LEKR1: variants seen among roughly 807,000 people sequenced by gnomAD.
LEKR1 encodes the protein protein LEKR1.
Under a neutral mutation model 72.4 loss-of-function variants are expected in LEKR1, and 59 were observed. The observed-to-expected ratio is 0.82, with a 90% CI of 0.66 to 1.01. The LOEUF (loss-of-function observed/expected upper bound fraction) is 1.01, where lower values mean the gene tolerates loss of function less well. Among genes scored for constraint, LEKR1 ranks in the 50% least tolerant of loss-of-function variants. The pLI, the probability that LEKR1 is intolerant of heterozygous loss-of-function variation, is 0.00. For synonymous variants in LEKR1, 257 were observed against 263.2 expected (o/e 0.98, Z 0.23); for missense variants, 728 against 759.2 (o/e 0.96, Z 0.48).
intron 5 of LEKR1, among the ~76,000 whole-genome samples, chr3:156,928,974 G>A (rs567459487): frequency 6.6e-6 from 1 of 152,054 alleles, no homozygotes; most frequent in South Asian, 2.1e-4. Flanking sequence ...AAAGAATAGA[G>A]ACCAGTTGAC....
At chr3:156,864,551 C>G (rs1468782237) in intron 3 of LEKR1, among the ~76,000 whole-genome samples, 2 of 152,018 alleles carry the variant, frequency 1.3e-5, no homozygotes, top group Admixed American at 6.6e-5. Context: ...GCCATTCTTA[C>G]TGAATAAATT....
intron 12 of LEKR1, among the ~76,000 whole-genome samples, chr3:157,036,855 G>A (rs1054145049): frequency 7.2e-5 from 11 of 152,050 alleles, no homozygotes; most frequent in Non-Finnish European, 1.0e-4. Flanking sequence ...ATGTTGAGAG[G>A]ATATTTACAC....
chr3:156,937,253 A>G (rs1457156354), intron 5 of LEKR1, among the ~76,000 whole-genome samples: 9 of 152,202 alleles, frequency 5.9e-5, no homozygotes, highest in Non-Finnish European at 1.2e-4. Flanking sequence ...AGTACAGACT[A>G]GGAGAAAATA....
intron 6 of LEKR1, among the ~76,000 whole-genome samples, chr3:156,960,313 T>G (rs538058068): frequency 6.6e-6 from 1 of 152,226 alleles, no homozygotes; most frequent in South Asian, 2.1e-4. Context: ...TGAGATGGAG[T>G]CTCACTCTGT....
chr3:156,847,536 G>T (rs970913184), intron 2 of LEKR1, among the ~76,000 whole-genome samples: 1 of 152,096 alleles, frequency 6.6e-6, no homozygotes, highest in Admixed American at 6.5e-5. Flanking sequence ...TACTTCATTT[G>T]GGAACATAAT....
chr3:156,839,518 A>G (rs1232083381), intron 2 of LEKR1, among the ~76,000 whole-genome samples: 1 of 152,206 alleles, frequency 6.6e-6, no homozygotes, highest in Non-Finnish European at 1.5e-5. Flanking sequence ...AATAAAGGAA[A>G]TTATAAAAGA....
chr3:157,015,129 TTTCAGGTCATGG>T (rs530967033), intron 10 of LEKR1, among the ~76,000 whole-genome samples: 8 of 152,164 alleles, frequency 5.3e-5, no homozygotes, highest in African/African-American at 1.9e-4. Flanking sequence ...CTGAAAGAAA[TTTCAGGTCATGG>T]TTCAGGGAGT....
chr3:157,038,331 G>C (rs1215849186), intron 12 of LEKR1, among the ~76,000 whole-genome samples: 1 of 152,188 alleles, frequency 6.6e-6, no homozygotes, highest in African/African-American at 2.4e-5. Context: ...TGCTAGAAAA[G>C]AAATACAATT....
chr3:156,937,056 T>C (rs555978964), intron 5 of LEKR1, among the ~76,000 whole-genome samples: 2 of 152,190 alleles, frequency 1.3e-5, no homozygotes, highest in Admixed American at 6.5e-5. Flanking sequence ...GTGGGAGGAC[T>C]GCTTAATCCC....
intron 6 of LEKR1, among the ~76,000 whole-genome samples, chr3:156,958,081 A>AT (rs1727810342): frequency 6.6e-6 from 1 of 152,174 alleles, no homozygotes; most frequent in Admixed American, 6.6e-5. Context: ...GGACAGGATT[A>AT]TTAGCCCTAT....
At chr3:157,037,127 C>A (rs1215781177) in intron 12 of LEKR1, among the ~76,000 whole-genome samples, 3 of 152,086 alleles carry the variant, frequency 2.0e-5, no homozygotes, top group Non-Finnish European at 4.4e-5. Flanking sequence ...CCCTCATCTT[C>A]CATTCCATGC....
chr3:157,033,501 C>A (rs953591827), intron 12 of LEKR1, among the ~76,000 whole-genome samples: 2 of 152,166 alleles, frequency 1.3e-5, no homozygotes, highest in African/African-American at 4.8e-5. Context: ...TAATCCAGAG[C>A]AAGACCCTAA....
At position 156,852,797 on chromosome 3, in the gene LEKR1, C is replaced by G; in HGVS notation, c.78C>G (p.Tyr26Ter). 1 of 1,532,832 alleles carries G rather than the reference C, an allele frequency of 6.5e-7. No individual in the cohort carries two copies. The highest frequency in any genetic ancestry group is 8.7e-7 in the Non-Finnish European group (1 of 1,144,660). 95.0% of individuals were successfully genotyped at this position (1,532,832 alleles called of 1,614,324 possible). A position where few individuals can be genotyped will look rare whatever the true frequency, so the allele number is the denominator to read the frequency against. The change falls in exon 3 of 13, where the codon TAC (tyrosine) becomes TAG (stop). Residue 26 changes from tyrosine to a stop codon, truncating the protein, a stop_gained. Coordinates refer to ENST00000356539, the MANE Select transcript of LEKR1 (RefSeq NM_001004316.3). LOFTEE classifies it high-confidence loss of function. ...KMLPEEKVCKYCGVSYLILHE... is the reference protein window; with the variant it reads ...KMLPEEKVCK ...TGCCTGAAGAAAAAGTTTGTAAGTACTGTGGAGTCAGCTATCTAATTCTTC... is the reference window on the plus strand; with the variant it reads ...TGCCTGAAGAAAAAGTTTGTAAGTAGTGTGGAGTCAGCTATCTAATTCTTC...
intron 4 of LEKR1, among the ~76,000 whole-genome samples, chr3:156,923,812 C>A (rs557467476): frequency 1.2e-4 from 19 of 152,140 alleles, no homozygotes; most frequent in African/African-American, 4.6e-4. Context: ...ACTGCAACCT[C>A]CGCCTCCCAG....
At chr3:157,017,769 T>A (rs1312120054) in intron 10 of LEKR1, 1 of 151,636 alleles carries the variant, frequency 6.6e-6, no homozygotes, top group Non-Finnish European at 1.5e-5. Context: ...AAACCCTGTC[T>A]CTACTAAAAA....
At chr3:156,885,026 T>C (rs1719904021) in intron 3 of LEKR1, among the ~76,000 whole-genome samples, 1 of 152,178 alleles carries the variant, frequency 6.6e-6, no homozygotes, top group Non-Finnish European at 1.5e-5. Flanking sequence ...TCAAAAGCCT[T>C]GTCTTTGAGC....
intron 2 of LEKR1, among the ~76,000 whole-genome samples, chr3:156,842,670 A>G (rs1371190682): frequency 2.0e-5 from 3 of 152,226 alleles, no homozygotes; most frequent in Non-Finnish European, 4.4e-5. Context: ...GCTACCAAAG[A>G]AAAAGTGTAG....
intron 2 of LEKR1, among the ~76,000 whole-genome samples, chr3:156,839,472 CGTT>C (rs1713607659): frequency 1.3e-5 from 2 of 152,128 alleles, no homozygotes; most frequent in South Asian, 2.1e-4. Context: ...ACTGTCCAGA[CGTT>C]GTGCATGACT....
chr3:156,924,611 T>C, intron 4 of LEKR1: 1 of 578,220 alleles, frequency 1.7e-6, no homozygotes, highest in Non-Finnish European at 3.1e-6. Flanking sequence ...TATGATCTAT[T>C]TCAGCTAACT....
Sources: allele counts gnomAD v4.1 joint callset (sites outside exome capture counted in the v4.1 genomes callset), GRCh38; gene constraint gnomAD v4.1.1; transcripts MANE v1.5; gene names NCBI Gene and HGNC (gene_info 2026-07-23, HGNC 2026-07-21).